The following MBP variants were observed in gnomAD, a reference collection of about 807,000 sequenced individuals.
MBP encodes the protein Golli-MBP.
In MBP, 16 loss-of-function variants were observed where a neutral mutation model predicts 35.8. That is an observed-to-expected ratio of 0.45 (90% CI 0.30 to 0.68). The LOEUF (loss-of-function observed/expected upper bound fraction) is 0.68. Ranked by LOEUF, MBP falls within the 30% of genes least tolerant of loss-of-function variation. MBP has a pLI of 0.08. For synonymous variants in MBP, 143 were observed against 159.6 expected, an observed-to-expected ratio of 0.90 and a Z score of 0.78; for missense variants, 380 against 404.7, an observed-to-expected ratio of 0.94 and a Z score of 0.52.
intron 3 of MBP, among the ~76,000 whole-genome samples, chr18:77,021,136 C>T (rs555404336): frequency 3.3e-5 from 5 of 152,250 alleles, no homozygotes; most frequent in East Asian, 3.9e-4. Flanking sequence ...AAGATGAAGC[C>T]GTAGGAGCAG....
intron 2 of MBP, among the ~76,000 whole-genome samples, chr18:77,093,791 C>T (rs887179479): frequency 6.6e-6 from 1 of 152,196 alleles, no homozygotes; most frequent in Non-Finnish European, 1.5e-5. Flanking sequence ...ACACCCCGCC[C>T]AGCAGCCTGA....
chr18:76,997,021 C>T (rs1181040815), intron 4 of MBP, among the ~76,000 whole-genome samples: 1 of 152,188 alleles, frequency 6.6e-6, no homozygotes, highest in African/African-American at 2.4e-5. Flanking sequence ...GGGGCTCCTA[C>T]TGCCTCCCCG....
intron 2 of MBP, among the ~76,000 whole-genome samples, chr18:77,093,682 T>TG (rs1975634164): frequency 6.6e-6 from 1 of 152,180 alleles, no homozygotes; most frequent in African/African-American, 2.4e-5. Flanking sequence ...CTATCAAGGG[T>TG]GAACCTCGTA....
At chr18:77,098,418 T>C (rs879675607) in intron 2 of MBP, among the ~76,000 whole-genome samples, 2 of 152,188 alleles carry the variant, frequency 1.3e-5, no homozygotes, top group Non-Finnish European at 2.9e-5. Flanking sequence ...CACTGTCCTA[T>C]GCAGAGTGGG....
chr18:77,034,147 G>C (rs900571943), intron 3 of MBP, among the ~76,000 whole-genome samples: 1 of 150,280 alleles, frequency 6.7e-6, no homozygotes, highest in Non-Finnish European at 1.5e-5. Context: ...GGCAGAAGTG[G>C]AAGTCAGAGA....
intron 1 of MBP, among the ~76,000 whole-genome samples, chr18:77,124,843 C>G (rs547007798): frequency 6.6e-6 from 1 of 152,166 alleles, no homozygotes; most frequent in South Asian, 2.1e-4. Flanking sequence ...TCCTGGCAGC[C>G]AAGAAGGAAA....
At chr18:77,118,350 A>G (rs1031550249) in intron 1 of MBP, among the ~76,000 whole-genome samples, 2 of 151,828 alleles carry the variant, frequency 1.3e-5, no homozygotes, top group Admixed American at 6.6e-5. Flanking sequence ...CCCTCACAAC[A>G]TGGGCTGGAT....
At chr18:77,072,691 C>A (rs1974499009) in intron 2 of MBP, among the ~76,000 whole-genome samples, 1 of 152,206 alleles carries the variant, frequency 6.6e-6, no homozygotes, top group African/African-American at 2.4e-5. Context: ...ATCAAAGCCA[C>A]TTCTCAGGGG....
chr18:77,112,153 T>C (rs1359824102), intron 1 of MBP, among the ~76,000 whole-genome samples: 1 of 125,010 alleles, frequency 8.0e-6, no homozygotes, highest in Admixed American at 1.0e-4. Flanking sequence ...ACCCGTAGAA[T>C]GAACACCGTG....
intron 3 of MBP, among the ~76,000 whole-genome samples, chr18:77,027,130 A>T (rs1453998338): frequency 6.6e-6 from 1 of 152,140 alleles, no homozygotes; most frequent in Non-Finnish European, 1.5e-5. Context: ...TAGGGATGAA[A>T]ATGACAGGCC....
chr18:77,016,580 GTCC>G (rs1256714779), intron 4 of MBP: 1 of 1,364,930 alleles, frequency 7.3e-7, no homozygotes. Context: ...AATTCAGCAT[GTCC>G]TTACATTCCT....
chr18:77,006,025 A>T lies in MBP; in HGVS notation c.576+10807T>A, dbSNP rs1970949067. ...CTCAGAGAAGACAGACACCTGCCCCAGGTCCACGGCTATGACGCAGTGCCA... is the reference window on the plus strand; with the variant it reads ...CTCAGAGAAGACAGACACCTGCCCCTGGTCCACGGCTATGACGCAGTGCCA... On this transcript the variant is annotated intron_variant, in intron 4 of 8. Transcript: ENST00000355994. 2.0e-5 allele frequency: 3 copies of T among 152,422 alleles called. No individual in the cohort carries two copies. In the South Asian group the frequency reaches 6.2e-4, roughly 32 times the overall value. 9.4% of individuals were successfully genotyped at this position (152,422 alleles called of 1,614,324 possible). A position where few individuals can be genotyped will look rare whatever the true frequency, so the allele number is the denominator to read the frequency against.
At chr18:77,043,257 T>C (rs983315360) in intron 3 of MBP, among the ~76,000 whole-genome samples, 1 of 152,220 alleles carries the variant, frequency 6.6e-6, no homozygotes, top group Admixed American at 6.5e-5. Flanking sequence ...TCACCTTTTT[T>C]TGCGTGAACC....
rs1252279802 is a variant in MBP, at chr18:77,101,221, G to A, written c.51+3990C>T. Among the ~76,000 whole-genome samples the A allele has an allele frequency of 2.6e-5, 4 of 152,196 alleles. No individual in the cohort carries two copies. The highest frequency in any genetic ancestry group is 2.0e-4 in the Admixed American group (3 of 15,284). Reference sequence around the variant, plus strand: ...TCTCCTGGCATTGAGGCACGTCCCTGGGTTCTCCAGGGCAGCTGGCACCCT... The same window carrying A: ...TCTCCTGGCATTGAGGCACGTCCCTAGGTTCTCCAGGGCAGCTGGCACCCT... On this transcript the variant is annotated intron_variant, in intron 2 of 8. Coordinates refer to ENST00000355994, the MANE Select transcript of MBP (RefSeq NM_001025101.2). The surrounding 1 kb of genome is among the most constrained non-coding windows in gnomAD (Gnocchi z 4.3).
At chr18:77,032,761 C>T (rs530762744) in intron 3 of MBP, among the ~76,000 whole-genome samples, 1 of 152,324 alleles carries the variant, frequency 6.6e-6, no homozygotes, top group Admixed American at 6.5e-5. Context: ...TGTACCAACA[C>T]TGGACAGACC....
At chr18:77,079,217 C>T (rs1974787380) in intron 2 of MBP, among the ~76,000 whole-genome samples, 1 of 152,196 alleles carries the variant, frequency 6.6e-6, no homozygotes, top group Non-Finnish European at 1.5e-5. Context: ...AAGAGGACAT[C>T]ACCCAAGAGC....
rs889713942 is a variant in MBP at position 77,102,224 on chromosome 18, G to A, written c.51+2987C>T. ...GCAGAGGCAGTGTGTGGGGTAGACC[G>A]GGCAGCCCCCACCGCAGCTGCCCTC... On this transcript the variant is annotated intron_variant, in intron 2 of 8. Transcript: ENST00000355994. This position sits in a 1 kb window ranked among gnomAD's most constrained non-coding sequence, Gnocchi z 4.4. 2.0e-5 allele frequency among the ~76,000 whole-genome samples: 3 copies of A among 152,206 alleles called. No homozygotes were observed. Among genetic ancestry groups the A allele is most frequent in the Non-Finnish European group, 2.9e-5 (2 of 67,992 alleles).
chr18:77,007,287 T>G (rs973858839), intron 4 of MBP, among the ~76,000 whole-genome samples: 2 of 152,234 alleles, frequency 1.3e-5, no homozygotes, highest in Non-Finnish European at 2.9e-5. Flanking sequence ...CAAAAGCTCC[T>G]TCTCAGGGAC....
chr18:77,042,679 C>T (rs1294392927), intron 3 of MBP, among the ~76,000 whole-genome samples: 2 of 152,134 alleles, frequency 1.3e-5, no homozygotes, highest in Admixed American at 6.5e-5. Context: ...CCCTGGAGGT[C>T]GCAGGAACAA....
Sources: gnomAD v4.1 joint callset for allele counts (sites outside exome capture counted in the v4.1 genomes callset) on GRCh38, gnomAD v4.1.1 for gene constraint, Gnocchi (gnomAD v3.1) non-coding constraint, MANE v1.5 for transcripts, NCBI Gene and HGNC (gene_info 2026-07-23, HGNC 2026-07-21) for gene names.